Variants in MSR1 observed in about 807,000 individuals in gnomAD.
MSR1 encodes macrophage scavenger receptor types I and II.
Under a neutral mutation model 47.2 loss-of-function variants are expected in MSR1, and 53 were observed. That is an observed-to-expected ratio of 1.12 (90% CI 0.90 to 1.41). The LOEUF (loss-of-function observed/expected upper bound fraction) is 1.41. Ranked by LOEUF, MSR1 falls within the 40% of genes most tolerant of loss-of-function variation. The probability of loss-of-function intolerance (pLI) is 0.00; values close to 1 mark genes in which losing one functional copy is unlikely to be tolerated. For synonymous variants in MSR1, 239 were observed against 185.6 expected (o/e 1.29, Z -2.34); for missense variants, 786 against 546.9 (o/e 1.44, Z -4.36).
chr8:16,165,344 TACTTA>T (rs1367043073), intron 4 of MSR1, among the ~76,000 whole-genome samples: 2 of 152,154 alleles, frequency 1.3e-5, no homozygotes, highest in Non-Finnish European at 2.9e-5. Context: ...AAATCATTAT[TACTTA>T]ACTTGTTTTT....
At chr8:16,125,217 T>A (rs910566968) in intron 8 of MSR1, among the ~76,000 whole-genome samples, 1 of 152,134 alleles carries the variant, frequency 6.6e-6, no homozygotes, top group African/African-American at 2.4e-5. Flanking sequence ...TCAATTCAAT[T>A]TACAATGAGA....
At chr8:16,146,774 C>T (rs1800710533) in intron 7 of MSR1, among the ~76,000 whole-genome samples, 1 of 152,074 alleles carries the variant, frequency 6.6e-6, no homozygotes, top group African/African-American at 2.4e-5. Flanking sequence ...TACCTTTCCA[C>T]TCTCTACCCA....
chr8:16,124,735 G>A (rs1373320061), intron 8 of MSR1, among the ~76,000 whole-genome samples: 2 of 152,060 alleles, frequency 1.3e-5, no homozygotes, highest in Non-Finnish European at 2.9e-5. Context: ...TAGACTGAAA[G>A]AAACCCGTTA....
intron 8 of MSR1, chr8:16,140,972 C>T: frequency 2.5e-6 from 4 of 1,613,900 alleles, no homozygotes; most frequent in South Asian, 1.1e-5. Flanking sequence ...GAGATGGTAG[C>T]AGAGGATGTC....
At position 16,120,476 on chromosome 8, in the gene MSR1, A is replaced by G; in HGVS notation, c.1164T>C (p.Cys388=). The change falls in exon 9 of 10, where the codon TGT becomes TGC. Residue 388 remains cysteine (C), a synonymous_variant. Transcript: ENST00000262101. ...RWEVRVGQVV[C]RSLGYPGVQA... Reference sequence around the variant, plus strand: ...GAACACCTGGGTATCCCAAGCTCCTACAGACGACCTGTCCAACGCGCACTT... The same window carrying G: ...GAACACCTGGGTATCCCAAGCTCCTGCAGACGACCTGTCCAACGCGCACTT... The G allele has an allele frequency of 6.2e-7, 1 of 1,614,028 alleles. No individual in the cohort carries two copies. The highest frequency in any genetic ancestry group is 8.5e-7 in the Non-Finnish European group (1 of 1,179,948).
At chr8:16,123,693 C>T (rs1200165791) in intron 8 of MSR1, among the ~76,000 whole-genome samples, 3 of 151,700 alleles carry the variant, frequency 2.0e-5, no homozygotes, top group Non-Finnish European at 4.4e-5. Flanking sequence ...TGTGCCTAAA[C>T]GATTTCGTGT....
chr8:16,168,842 A>G lies in MSR1; in HGVS notation c.246T>C (p.Asn82=), dbSNP rs866118873. The G allele has an allele frequency of 3.1e-6, 5 of 1,613,548 alleles. No homozygotes were observed. Among genetic ancestry groups the G allele is most frequent in the Non-Finnish European group, 4.2e-6 (5 of 1,179,994 alleles). ...AAQLLKWETK[N]CSVSSTNAND... The stretch of plus-strand genomic sequence containing the variant: ...TTGCATTAGTTGAACTAACTGAGCA[A>G]TTCTTCGTTTCCCACTTCAGGAGTT... The change falls in exon 4 of 10, where the codon AAT becomes AAC. Residue 82 remains asparagine, a synonymous_variant. Transcript: ENST00000262101.
intron 8 of MSR1, among the ~76,000 whole-genome samples, chr8:16,134,038 C>T (rs1206534253): frequency 6.6e-6 from 1 of 152,120 alleles, no homozygotes; most frequent in Non-Finnish European, 1.5e-5. Context: ...CTGCAGGGTT[C>T]ATCTTCAATA....
chr8:16,139,885 T>C, intron 8 of MSR1: 1 of 434,656 alleles, frequency 2.3e-6, no homozygotes, highest in Non-Finnish European at 3.0e-6. Flanking sequence ...TTAAAAAATA[T>C]TCTAAGGAAT....
Position 16,155,104 on chromosome 8 carries a change from G to A in MSR1, c.858C>T (p.Pro286=), listed in dbSNP as rs746572916. Residue 286 remains proline (P), a synonymous_variant, in exon 6 of 10, where the codon CCC becomes CCT. Coordinates refer to ENST00000262101, the MANE Select transcript of MSR1 (RefSeq NM_138715.3). ...GPPGEKGDRG[P]TGESGPRGFP... is the part of the protein sequence containing the mutation. Reference sequence around the variant, plus strand: ...ATCCTCGTGGACCACTTTCTCCAGTGGGACCTCGATCTCCTTTTTCACCCG... The same window carrying A: ...ATCCTCGTGGACCACTTTCTCCAGTAGGACCTCGATCTCCTTTTTCACCCG... The A allele has an allele frequency of 6.2e-6, 10 of 1,612,186 alleles. No homozygotes were observed. Among genetic ancestry groups the A allele is most frequent in the Non-Finnish European group, 8.5e-6 (10 of 1,178,794 alleles).
At chr8:16,140,865 G>A (rs1159034692) in intron 8 of MSR1, 18 of 1,593,742 alleles carry the variant, frequency 1.1e-5, no homozygotes, top group Admixed American at 1.7e-5. Context: ...TGGAAGTCAG[G>A]TACAACACGG....
intron 4 of MSR1, 111 bp from the exon 5 acceptor site, chr8:16,164,362 T>G: frequency 1.2e-6 from 1 of 824,856 alleles, no homozygotes; most frequent in Admixed American, 2.2e-5. Context: ...TATGGGAGTT[T>G]TATGGAATAA....
Position 16,177,990 on chromosome 8 carries a change from C to T in MSR1, c.-2G>A. 6 of 1,612,084 alleles carry T rather than the reference C, an allele frequency of 3.7e-6. No homozygotes were observed. The highest frequency in any genetic ancestry group is 5.1e-6 in the Non-Finnish European group (6 of 1,178,400). ...GTGAAAGTGATCCCACTGCTCCATA[C>T]TTCTATGAAACAAAATGGAAAAATA... On this transcript the variant is annotated splice_region_variant and 5_prime_UTR_variant, in exon 2 of 10. Coordinates refer to ENST00000262101, the MANE Select transcript of MSR1 (RefSeq NM_138715.3).
chr8:16,190,229 A>T (rs1225929661), intron 1 of MSR1, among the ~76,000 whole-genome samples: 1 of 152,090 alleles, frequency 6.6e-6, no homozygotes, highest in Non-Finnish European at 1.5e-5. Context: ...CTTCTTTTAA[A>T]ATGTTTCTTT....
intron 5 of MSR1, among the ~76,000 whole-genome samples, chr8:16,162,987 G>C (rs1801203619): frequency 1.3e-5 from 2 of 151,960 alleles, no homozygotes; most frequent in African/African-American, 4.8e-5. Context: ...ATATTAGCAG[G>C]AAACTAGGGA....
chr8:16,129,994 G>T (rs748343675), intron 8 of MSR1, among the ~76,000 whole-genome samples: 29 of 152,118 alleles, frequency 1.9e-4, no homozygotes, highest in Non-Finnish European at 3.7e-4. Flanking sequence ...GTGGAGTGTT[G>T]GGCCTCTGCT....
intron 6 of MSR1, among the ~76,000 whole-genome samples, chr8:16,150,702 G>A (rs552763185): frequency 7.6e-4 from 115 of 152,008 alleles, no homozygotes; most frequent in African/African-American, 2.2e-3. Flanking sequence ...ATTTGCCTTA[G>A]AAAAAAATGC....
chr8:16,167,874 T>C (rs968713264), intron 4 of MSR1, among the ~76,000 whole-genome samples: 2 of 152,188 alleles, frequency 1.3e-5, no homozygotes, highest in Non-Finnish European at 2.9e-5. Context: ...CAATACCCTT[T>C]GATATGCTTA....
At chr8:16,140,771 A>G (rs1800534538) in intron 8 of MSR1, 1 of 1,447,306 alleles carries the variant, frequency 6.9e-7, no homozygotes, top group South Asian at 1.5e-5. Flanking sequence ...GAGAGAGGTG[A>G]TGGTGGAGTA....
Sources: gnomAD v4.1 joint callset for allele counts (sites outside exome capture counted in the v4.1 genomes callset) on GRCh38, gnomAD v4.1.1 for gene constraint, MANE v1.5 for transcripts, NCBI Gene and HGNC (gene_info 2026-07-23, HGNC 2026-07-21) for gene names.